MPRIP: variants seen among roughly 807,000 people sequenced by gnomAD.
MPRIP encodes the protein myosin phosphatase Rho-interacting protein.
MPRIP carries 59 observed loss-of-function variants against 234.9 expected under a neutral mutation model. That is an observed-to-expected ratio of 0.25 (90% CI 0.20 to 0.31). The LOEUF (loss-of-function observed/expected upper bound fraction) is 0.31. MPRIP is among the 10% of genes least tolerant of loss of function. MPRIP has a pLI of 1.00. For synonymous variants in MPRIP, 1,144 were observed against 1,263.9 expected, an observed-to-expected ratio of 0.91 and a Z score of 2.01; for missense variants, 2,436 against 3,071.0, an observed-to-expected ratio of 0.79 and a Z score of 4.89.
intron 1 of MPRIP, 71 bp from the exon 2 acceptor site, chr17:17,075,639 C>G: frequency 7.7e-7 from 1 of 1,305,376 alleles, no homozygotes; most frequent in Non-Finnish European, 1.1e-6. Context: ...CGAGTGCTTG[C>G]TGTTAACTTG....
At position 17,191,772 on chromosome 17, in the gene MPRIP, T is replaced by G. The variant is rs1377632785; in HGVS notation, c.*6878T>G. The G allele has an allele frequency of 6.6e-6, 1 of 152,246 alleles. No homozygotes were observed. Among genetic ancestry groups the G allele is most frequent in the Non-Finnish European group, 1.5e-5 (1 of 68,026 alleles). 9.4% of individuals were successfully genotyped at this position (152,246 alleles called of 1,614,324 possible). A position where few individuals can be genotyped will look rare whatever the true frequency, so the allele number is the denominator to read the frequency against. On this transcript the variant is annotated 3_prime_UTR_variant, in exon 24 of 24. Coordinates refer to ENST00000651222, the MANE Select transcript of MPRIP (RefSeq NM_001364716.4). ...TCACATCCTTAGTTTTATAGACAGC[T>G]AGGAATAGATTGTGAAGAACACTCA...
At chr17:17,096,288 G>GGGGTGT (rs1199571118) in intron 3 of MPRIP, among the ~76,000 whole-genome samples, 16 of 136,490 alleles carry the variant, frequency 1.2e-4, no homozygotes, top group Admixed American at 1.2e-3. Flanking sequence ...GTGTGTGCAG[G>GGGGTGT]GTGTGTGTGT....
At chr17:17,092,712 C>T (rs2089747285) in intron 3 of MPRIP, among the ~76,000 whole-genome samples, 1 of 152,138 alleles carries the variant, frequency 6.6e-6, no homozygotes, top group South Asian at 2.1e-4. Flanking sequence ...AGTTTTCCTC[C>T]TGGGGTCATT....
chr17:17,175,379 C>A lies in MPRIP; in HGVS notation c.6837C>A (p.Pro2279=). The change falls in exon 20 of 24, where the codon CCC becomes CCA. Residue 2279 remains proline, a synonymous_variant. Coordinates refer to ENST00000651222, the MANE Select transcript of MPRIP (RefSeq NM_001364716.4). Reference sequence around the variant, plus strand: ...GCGGTGGGGAGGCCACTGGGTCACCCCTTGCACAGGGCAAGGATGCCTATG... The same window carrying A: ...GCGGTGGGGAGGCCACTGGGTCACCACTTGCACAGGGCAAGGATGCCTATG... The part of the protein sequence containing the change: ...GDGGGEATGS[P]LAQGKDAYEL... 6.2e-7 allele frequency: 1 copy of A among 1,613,022 alleles called. No homozygotes were observed. Among genetic ancestry groups the A allele is most frequent in the African/African-American group, 1.3e-5 (1 of 75,050 alleles).
intron 14 of MPRIP, among the ~76,000 whole-genome samples, chr17:17,160,816 C>T (rs1447011800): frequency 2.0e-5 from 3 of 152,150 alleles, no homozygotes; most frequent in South Asian, 2.1e-4. Flanking sequence ...CTGAGGACAC[C>T]CAAAGGACCC....
In MPRIP at chr17:17,179,714, GA is replaced by G. The variant is rs1413290333; in HGVS notation, c.7121-288del. The stretch of plus-strand genomic sequence containing the variant: ...TTGAGGTCCCACACCAGAGTGAGGG[GA>G]CCAAGTCCCTTTGAAGGGAATGCTG... On this transcript the variant is annotated intron_variant, in intron 22 of 23. Transcript: ENST00000651222. The G allele has an allele frequency of 9.9e-6, 3 of 301,714 alleles. No individual in the cohort carries two copies. The Admixed American group carries it at 1.7e-4, about 17-fold the overall frequency. 18.7% of individuals were successfully genotyped at this position (301,714 alleles called of 1,614,324 possible). A position where few individuals can be genotyped will look rare whatever the true frequency, so the allele number is the denominator to read the frequency against.
rs183650893 is a variant in MPRIP at position 17,162,369 on chromosome 17, C to G, written c.2517+1013C>G. ...CAGACCGCAGTGCGCTGACCTTGGT[C>G]TGAGTTGTCCCAGGCAGCAGATGGA... On this transcript the variant is annotated intron_variant, in intron 15 of 23. Transcript: ENST00000651222. Among the ~76,000 whole-genome samples the G allele has an allele frequency of 3.9e-5, 6 of 152,348 alleles. No individual in the cohort carries two copies. In the East Asian group the frequency reaches 1.2e-3, roughly 29 times the overall value.
intron 1 of MPRIP, among the ~76,000 whole-genome samples, chr17:17,056,344 G>A (rs966597315): frequency 6.6e-5 from 10 of 152,168 alleles, no homozygotes; most frequent in African/African-American, 2.4e-4. Flanking sequence ...CATGAATGGC[G>A]TCATGTTCCA....
intron 1 of MPRIP, among the ~76,000 whole-genome samples, chr17:17,058,275 A>G (rs900648347): frequency 1.3e-5 from 2 of 151,818 alleles, no homozygotes; most frequent in African/African-American, 4.8e-5. Flanking sequence ...ACCTGGGGAG[A>G]GGATTCTAGG....
intron 1 of MPRIP, among the ~76,000 whole-genome samples, chr17:17,055,778 G>A (rs2088676350): frequency 1.3e-5 from 2 of 152,294 alleles, no homozygotes; most frequent in South Asian, 2.1e-4. Flanking sequence ...GCCTTCTATG[G>A]TGTGGAGGTT....
chr17:17,079,435 G>A (rs1443355051), intron 3 of MPRIP, among the ~76,000 whole-genome samples: 6 of 152,214 alleles, frequency 3.9e-5, no homozygotes, highest in Non-Finnish European at 5.9e-5. Context: ...TGGACACTCC[G>A]TTCCTTTGAG....
intron 1 of MPRIP, among the ~76,000 whole-genome samples, chr17:17,059,211 C>T (rs2088798152): frequency 6.6e-6 from 1 of 152,214 alleles, no homozygotes; most frequent in Non-Finnish European, 1.5e-5. Context: ...TCTTTACGGT[C>T]TGCCATAATG....
At chr17:17,066,728 T>C (rs1487805808) in intron 1 of MPRIP, among the ~76,000 whole-genome samples, 4 of 18,950 alleles carry the variant, frequency 2.1e-4, no homozygotes, top group Non-Finnish European at 3.4e-4. Context: ...TTCATCTTTT[T>C]TTTTTTTTTT....
At chr17:17,071,859 T>C (rs2089202211) in intron 1 of MPRIP, among the ~76,000 whole-genome samples, 1 of 152,164 alleles carries the variant, frequency 6.6e-6, no homozygotes, top group Admixed American at 6.5e-5. Flanking sequence ...TTTGGGTCCT[T>C]ACAGCCCAGC....
intron 3 of MPRIP, among the ~76,000 whole-genome samples, chr17:17,124,203 G>C (rs1029525712): frequency 6.6e-6 from 1 of 152,202 alleles, no homozygotes; most frequent in African/African-American, 2.4e-5. Flanking sequence ...GCTTTGTTCA[G>C]CTGGGGGCCA....
chr17:17,174,810 A>G (rs1019535925), intron 19 of MPRIP, among the ~76,000 whole-genome samples: 4 of 152,172 alleles, frequency 2.6e-5, no homozygotes, highest in East Asian at 3.9e-4. Context: ...AAAAAAAAAA[A>G]AAAAGATTTG....
intron 1 of MPRIP, among the ~76,000 whole-genome samples, chr17:17,059,021 C>G (rs772463721): frequency 7.2e-5 from 11 of 152,172 alleles, no homozygotes; most frequent in Non-Finnish European, 1.6e-4. Context: ...TTTAGTTTAC[C>G]TGGGTTATGT....
chr17:17,108,726 A>G (rs995851475), intron 3 of MPRIP, among the ~76,000 whole-genome samples: 2 of 152,082 alleles, frequency 1.3e-5, no homozygotes, highest in Admixed American at 1.3e-4. Context: ...GGCCGGGTGA[A>G]TGTTATGGGC....
chr17:17,141,469 A>C (rs962528698), intron 7 of MPRIP: 1 of 152,314 alleles, frequency 6.6e-6, no homozygotes, highest in African/African-American at 2.4e-5. Context: ...GTCTAAGCAC[A>C]GGGAGGAAGC....
Sources: allele counts gnomAD v4.1 joint callset (sites outside exome capture counted in the v4.1 genomes callset), GRCh38; gene constraint gnomAD v4.1.1; transcripts MANE v1.5; gene names NCBI Gene and HGNC (gene_info 2026-07-23, HGNC 2026-07-21).